The following SHC3 variants were observed in gnomAD, a reference collection of about 807,000 sequenced individuals.
The protein encoded by SHC3 is SHC adaptor protein 3, also known as SHC-transforming protein 3.
SHC3 carries 15 observed loss-of-function variants against 60.4 expected under a neutral mutation model. That is an observed-to-expected ratio of 0.25 (90% confidence interval 0.17 to 0.38). SHC3 has a LOEUF of 0.38. SHC3 is among the 10% of genes least tolerant of loss of function. The pLI, the probability that SHC3 is intolerant of heterozygous loss-of-function variation, is 1.00. For missense variants in SHC3, 677 were observed against 786.1 expected (o/e 0.86, Z 1.66); for synonymous variants, 294 against 325.9 (o/e 0.90, Z 1.05).
At chr9:89,046,543 T>C (rs1420914317) in intron 8 of SHC3, among the ~76,000 whole-genome samples, 1 of 152,160 alleles carries the variant, frequency 6.6e-6, no homozygotes, top group Non-Finnish European at 1.5e-5. Flanking sequence ...TCTTAAATTC[T>C]CTCTTTCCCT....
chr9:89,066,875 T>C (rs1331543892), intron 5 of SHC3, among the ~76,000 whole-genome samples: 1 of 152,188 alleles, frequency 6.6e-6, no homozygotes, highest in Non-Finnish European at 1.5e-5. Flanking sequence ...GGGGTGGCCA[T>C]GTCACTGTTG....
chr9:89,109,256 A>G (rs372198323), intron 2 of SHC3: 1 of 776,410 alleles, frequency 1.3e-6, no homozygotes. Flanking sequence ...CTGAAGAGAG[A>G]GGTAGAGGGG....
At chr9:89,146,220 C>T (rs1407231702) in intron 1 of SHC3, among the ~76,000 whole-genome samples, 2 of 151,652 alleles carry the variant, frequency 1.3e-5, no homozygotes, top group East Asian at 1.9e-4. Flanking sequence ...AGCTGGGGGT[C>T]GTGGTGGGTG....
At chr9:89,028,480 TA>T (rs1297292136) in intron 11 of SHC3, among the ~76,000 whole-genome samples, 2 of 19,104 alleles carry the variant, frequency 1.0e-4, no homozygotes, top group African/African-American at 5.7e-4. Flanking sequence ...AGATATAGAT[TA>T]TATCTATATA....
chr9:89,135,958 G>T (rs1012071831), intron 1 of SHC3, among the ~76,000 whole-genome samples: 2 of 152,168 alleles, frequency 1.3e-5, no homozygotes, highest in Non-Finnish European at 2.9e-5. Context: ...TACTCCTTGT[G>T]TAGGAATGCA....
chr9:89,091,685 A>C (rs1300074810), intron 2 of SHC3, among the ~76,000 whole-genome samples: 1 of 152,158 alleles, frequency 6.6e-6, no homozygotes, highest in East Asian at 1.9e-4. Context: ...TGCAACCATT[A>C]CCATTATCTG....
intron 5 of SHC3, among the ~76,000 whole-genome samples, chr9:89,066,454 T>G (rs1023606724): frequency 6.6e-6 from 1 of 152,238 alleles, no homozygotes; most frequent in Non-Finnish European, 1.5e-5. Context: ...AATGTGAGTT[T>G]CTTTGCCTGC....
intron 11 of SHC3, among the ~76,000 whole-genome samples, chr9:89,025,829 C>T (rs765696987): frequency 2.6e-5 from 4 of 152,190 alleles, no homozygotes; most frequent in African/African-American, 4.8e-5. Flanking sequence ...TTTGAAATGG[C>T]CCTGCAAAGC....
At position 89,018,673 on chromosome 9, in the gene SHC3, G is replaced by GT. The variant is rs747693410; in HGVS notation, c.1657-5099dup. 1.4e-4 allele frequency among the ~76,000 whole-genome samples: 21 copies of GT among 147,382 alleles called. No individual in the cohort carries two copies. In the South Asian group the frequency reaches 2.2e-3, roughly 15 times the overall value. On this transcript the variant is annotated intron_variant, in intron 11 of 11. Transcript: ENST00000375835. ...TTTAAAAAAAACTCTTGATAAAGTAGTTTTTTTTTCTTTCTTTCTTTCTTT... is the reference window on the plus strand; with the variant it reads ...TTTAAAAAAAACTCTTGATAAAGTAGTTTTTTTTTTCTTTCTTTCTTTCTTT...
Position 89,011,168 on chromosome 9 carries a change from A to G in SHC3, c.*2279T>C, listed in dbSNP as rs1043986733. 14 of 152,252 alleles carry G rather than the reference A, an allele frequency of 9.2e-5. No individual in the cohort carries two copies. The highest frequency in any genetic ancestry group is 3.4e-4 in the African/African-American group (14 of 41,466). 9.4% of individuals were successfully genotyped at this position (152,252 alleles called of 1,614,324 possible). On this transcript the variant is annotated 3_prime_UTR_variant, in exon 12 of 12. Coordinates refer to ENST00000375835, the MANE Select transcript of SHC3 (RefSeq NM_016848.6). ...AAATGTATATTTTGAATTAATATTA[A>G]AAAGAAAAAATTCGACTCCAATACT...
intron 1 of SHC3, among the ~76,000 whole-genome samples, chr9:89,163,868 G>T (rs1019870228): frequency 1.3e-5 from 2 of 151,106 alleles, no homozygotes; most frequent in African/African-American, 4.9e-5. Context: ...TCTGGTGAGG[G>T]CTCGCTCACT....
At chr9:89,039,888 C>T (rs934550278) in intron 10 of SHC3, among the ~76,000 whole-genome samples, 6 of 151,914 alleles carry the variant, frequency 3.9e-5, no homozygotes, top group Non-Finnish European at 5.9e-5. Context: ...TTGTCACCAG[C>T]ATAACCATCA....
intron 1 of SHC3, among the ~76,000 whole-genome samples, chr9:89,141,506 T>G (rs1012885657): frequency 6.6e-6 from 1 of 152,226 alleles, no homozygotes; most frequent in Admixed American, 6.5e-5. Context: ...GAAGTCTGAC[T>G]GGTAAGAAAT....
chr9:89,129,539 T>C (rs1419960685), intron 1 of SHC3, among the ~76,000 whole-genome samples: 1 of 152,120 alleles, frequency 6.6e-6, no homozygotes, highest in African/African-American at 2.4e-5. Context: ...GGGAAGCCCA[T>C]CAGACTAACA....
intron 5 of SHC3, among the ~76,000 whole-genome samples, chr9:89,070,981 G>A (rs560246989): frequency 1.3e-5 from 2 of 152,286 alleles, no homozygotes; most frequent in South Asian, 4.1e-4. Flanking sequence ...ACAGCTTTTG[G>A]CTAATGAAAT....
Position 89,006,839 on chromosome 9 carries a change from T to C in SHC3, c.*6608A>G, listed in dbSNP as rs1825947580. On this transcript the variant is annotated 3_prime_UTR_variant, in exon 12 of 12. Transcript: ENST00000375835. ...TTAACAAAATTAACCCCATTAATAT[T>C]TAAAGACGGATTTATCCATTAATGC... 1 of 152,224 alleles carries C rather than the reference T, an allele frequency of 6.6e-6. No homozygotes were observed. Among genetic ancestry groups the C allele is most frequent in the Non-Finnish European group, 1.5e-5 (1 of 68,026 alleles). 9.4% of individuals were successfully genotyped at this position (152,224 alleles called of 1,614,324 possible). A position where few individuals can be genotyped will look rare whatever the true frequency, so the allele number is the denominator to read the frequency against.
intron 3 of SHC3, among the ~76,000 whole-genome samples, chr9:89,077,118 A>G (rs1587713467): frequency 6.6e-6 from 1 of 152,016 alleles, no homozygotes; most frequent in African/African-American, 2.4e-5. Flanking sequence ...CGGAGATTTC[A>G]GTCAGCCAAG....
chr9:89,153,151 A>C (rs1826567927), intron 1 of SHC3, among the ~76,000 whole-genome samples: 1 of 152,206 alleles, frequency 6.6e-6, no homozygotes, highest in Non-Finnish European at 1.5e-5. Context: ...AGAATTAAAA[A>C]ATCATTTATT....
rs568044530 is a variant in SHC3 at position 89,070,515 on chromosome 9, C to A, written c.783+684G>T. Among the ~76,000 whole-genome samples, 10 of 152,292 alleles carry A rather than the reference C, an allele frequency of 6.6e-5. No individual in the cohort carries two copies. In the South Asian group the frequency reaches 2.1e-3, roughly 32 times the overall value. Reference sequence around the variant, plus strand: ...GGAGGTGGTTTTCTGAGTTCAACTTCGTGACAGTACAGTTTAGATGACATG... The same window carrying A: ...GGAGGTGGTTTTCTGAGTTCAACTTAGTGACAGTACAGTTTAGATGACATG... On this transcript the variant is annotated intron_variant, in intron 5 of 11. Coordinates refer to ENST00000375835, the MANE Select transcript of SHC3 (RefSeq NM_016848.6).
Sources: gnomAD v4.1 joint callset for allele counts (sites outside exome capture counted in the v4.1 genomes callset) on GRCh38, gnomAD v4.1.1 for gene constraint, MANE v1.5 for transcripts, NCBI Gene and HGNC (gene_info 2026-07-23, HGNC 2026-07-21) for gene names.